CAP2: variants seen among roughly 807,000 people sequenced by gnomAD.
The protein encoded by CAP2 is adenylyl cyclase-associated protein 2.
CAP2 carries 24 observed loss-of-function variants against 57.7 expected under a neutral mutation model. That is an observed-to-expected ratio of 0.42 (90% confidence interval 0.30 to 0.58). CAP2 has a LOEUF of 0.58. Ranked by LOEUF, CAP2 falls within the 20% of genes least tolerant of loss-of-function variation. CAP2 has a pLI of 0.22. For synonymous variants in CAP2, 194 were observed against 207.2 expected (o/e 0.94, Z 0.55); for missense variants, 501 against 590.3 (o/e 0.85, Z 1.57).
chr6:17,402,710 G>A (rs1247594313), intron 1 of CAP2, among the ~76,000 whole-genome samples: 1 of 152,202 alleles, frequency 6.6e-6, no homozygotes, highest in Admixed American at 6.5e-5. Context: ...ATGGGAGAGG[G>A]AAGGTGATTG....
intron 3 of CAP2, among the ~76,000 whole-genome samples, chr6:17,430,069 G>A (rs1458458670): frequency 6.6e-6 from 1 of 152,160 alleles, no homozygotes; most frequent in Non-Finnish European, 1.5e-5. Flanking sequence ...GTGCTTAAAA[G>A]TCATTTCACA....
intron 3 of CAP2, among the ~76,000 whole-genome samples, chr6:17,458,299 G>A (rs149321164): frequency 2.0e-5 from 3 of 152,282 alleles, no homozygotes; most frequent in African/African-American, 7.2e-5. Flanking sequence ...AAAGAAGATG[G>A]TGTACTCCAA....
rs148396647 is a variant in CAP2 at position 17,507,283 on chromosome 6, A to G, written c.415A>G (p.Ser139Gly). 5.0e-6 allele frequency: 8 copies of G among 1,614,220 alleles called. No homozygotes were observed. The highest frequency in any genetic ancestry group is 6.8e-6 in the Non-Finnish European group (8 of 1,180,016). ...TAATCATCTTTCGGCCGTCAGCGAA[A>G]GCATCCCTGCCCTTGGATGGATAGC... ...MFNHLSAVSESIPALGWIAVS... is the reference protein window; with the variant it reads ...MFNHLSAVSEGIPALGWIAVS... Residue 139 changes from serine to glycine, a missense_variant, in exon 5 of 13, where the codon AGC becomes GGC. Ser to Gly is a moderately conservative substitution (Grantham distance 56, BLOSUM62 0). Coordinates refer to ENST00000229922, the MANE Select transcript of CAP2 (RefSeq NM_006366.3).
At chr6:17,481,903 T>G (rs1761296770) in intron 4 of CAP2, among the ~76,000 whole-genome samples, 1 of 152,150 alleles carries the variant, frequency 6.6e-6, no homozygotes, top group African/African-American at 2.4e-5. Context: ...ACTTTAAAGC[T>G]TTGCCTTGGC....
intron 6 of CAP2, among the ~76,000 whole-genome samples, chr6:17,510,932 G>A (rs1413866405): frequency 3.3e-5 from 5 of 152,220 alleles, no homozygotes; most frequent in Non-Finnish European, 7.3e-5. Context: ...GGGGCTGTGG[G>A]TGTGAGGGGT....
chr6:17,432,655 G>C (rs933772223), intron 3 of CAP2, among the ~76,000 whole-genome samples: 1 of 152,058 alleles, frequency 6.6e-6, no homozygotes, highest in African/African-American at 2.4e-5. Context: ...ATTAATGATA[G>C]CCAGAATTTT....
chr6:17,430,730 G>A (rs919616871), intron 3 of CAP2, among the ~76,000 whole-genome samples: 15 of 152,142 alleles, frequency 9.9e-5, no homozygotes, highest in African/African-American at 3.4e-4. Context: ...GTAGAGACGG[G>A]GTTTTACCAT....
rs1272536717 is a variant in CAP2 at position 17,405,566 on chromosome 6, G to A, written c.-2+11820G>A. Among the ~76,000 whole-genome samples the A allele has an allele frequency of 6.0e-5, 9 of 150,528 alleles. No homozygotes were observed. In the East Asian group the frequency reaches 1.8e-3, roughly 29 times the overall value. The stretch of plus-strand genomic sequence containing the variant: ...ATTGTACTGTGCTCACCTATATTTG[G>A]ACCATTGTTGACCATGGGTAACTGA... On this transcript the variant is annotated intron_variant, in intron 1 of 12. Coordinates refer to ENST00000229922, the MANE Select transcript of CAP2 (RefSeq NM_006366.3).
intron 6 of CAP2, among the ~76,000 whole-genome samples, chr6:17,512,725 G>C (rs1762187184): frequency 6.6e-6 from 1 of 152,206 alleles, no homozygotes; most frequent in African/African-American, 2.4e-5. Flanking sequence ...GAATATATCA[G>C]TACATCTAAA....
chr6:17,539,553 TC>T, intron 8 of CAP2, 95 bp downstream of exon 8: 3 of 890,292 alleles, frequency 3.4e-6, no homozygotes, highest in Non-Finnish European at 5.1e-6. Context: ...GATACATCAC[TC>T]CATCCCTGCC....
At chr6:17,536,907 C>T (rs1265001347) in intron 7 of CAP2, among the ~76,000 whole-genome samples, 2 of 152,094 alleles carry the variant, frequency 1.3e-5, no homozygotes, top group Non-Finnish European at 2.9e-5. Context: ...AATTTTATCC[C>T]AGTAACATAG....
chr6:17,436,169 G>T (rs1581516668), intron 3 of CAP2, among the ~76,000 whole-genome samples: 1 of 150,664 alleles, frequency 6.6e-6, no homozygotes, highest in East Asian at 1.9e-4. Flanking sequence ...CTGTCACCCA[G>T]GCTGGAGCAC....
In CAP2 at chr6:17,530,758, A is replaced by G. The variant is rs1718479250; in HGVS notation, c.637-8511A>G. On this transcript the variant is annotated intron_variant, in intron 7 of 12. Coordinates refer to ENST00000229922, the MANE Select transcript of CAP2 (RefSeq NM_006366.3). ...TAACAAAAATTGTTCTGTGAGCAAC[A>G]TAATCCACCTGTTCCAAGAGACTGT... The G allele has an allele frequency of 9.8e-6, 5 of 510,146 alleles. No homozygotes were observed. In the South Asian group the frequency reaches 1.1e-4, roughly 12 times the overall value. The allele number at this position is 510,146 out of a possible 1,614,324, so 31.6% of individuals were successfully genotyped here.
intron 4 of CAP2, among the ~76,000 whole-genome samples, chr6:17,496,071 G>C (rs954378078): frequency 7.0e-6 from 1 of 143,806 alleles, no homozygotes; most frequent in African/African-American, 2.6e-5. Flanking sequence ...CTTTACCTCT[G>C]TTAAATGCCC....
rs531021129 is a variant in CAP2, at chr6:17,554,923, T to G, written c.1351-1436T>G. On this transcript the variant is annotated intron_variant, in intron 12 of 12. Coordinates refer to ENST00000229922, the MANE Select transcript of CAP2 (RefSeq NM_006366.3). ...TTTTATTTTGACTATTCTCTATTAT[T>G]CTTTGTCTGTACGTGTGTGTACGTG... Among the ~76,000 whole-genome samples the G allele has an allele frequency of 2.5e-3, 375 of 152,334 alleles. 1 individual carries two copies. The highest frequency in any genetic ancestry group is 3.5e-3 in the Non-Finnish European group (237 of 68,028).
intron 7 of CAP2, among the ~76,000 whole-genome samples, chr6:17,520,925 T>C (rs933302755): frequency 6.6e-6 from 1 of 152,236 alleles, no homozygotes; most frequent in African/African-American, 2.4e-5. Flanking sequence ...TCAGATGATG[T>C]GTTGGTTGTC....
chr6:17,489,781 G>A (rs971460782), intron 4 of CAP2, among the ~76,000 whole-genome samples: 1 of 151,914 alleles, frequency 6.6e-6, no homozygotes, highest in African/African-American at 2.4e-5. Flanking sequence ...CTGGAGCTGG[G>A]AAAACTGTAG....
intron 11 of CAP2, among the ~76,000 whole-genome samples, chr6:17,546,450 T>G (rs1300680058): frequency 2.0e-5 from 3 of 152,224 alleles, no homozygotes; most frequent in Admixed American, 2.0e-4. Context: ...ATTAGCCCTT[T>G]GTCAGATGAG....
At position 17,426,678 on chromosome 6, in the gene CAP2, C is replaced by T. The variant is rs761690042; in HGVS notation, c.210C>T (p.Asp70=). The change falls in exon 3 of 13, where the codon GAC becomes GAT. Residue 70 remains aspartate, a synonymous_variant. Coordinates refer to ENST00000229922, the MANE Select transcript of CAP2 (RefSeq NM_006366.3). ...AGAACAGTAGGATCCTTGCTGGGGA[C>T]GTGGAGACCCATGTAAGTACTTTCC... The part of the protein sequence containing the change: ...FLKNSRILAG[D]VETHAEMVHS... 4.7e-5 allele frequency: 75 copies of T among 1,611,592 alleles called. No individual in the cohort carries two copies. In the South Asian group the frequency reaches 5.2e-4, roughly 11 times the overall value.
Sources: gnomAD v4.1 joint callset for allele counts (sites outside exome capture counted in the v4.1 genomes callset) on GRCh38, gnomAD v4.1.1 for gene constraint, MANE v1.5 for transcripts, NCBI Gene and HGNC (gene_info 2026-07-23, HGNC 2026-07-21) for gene names.